Variants in DNHD1 observed in about 807,000 individuals in gnomAD.
DNHD1 encodes the protein dynein heavy chain domain 1.
DNHD1 carries 383 observed loss-of-function variants against 458.1 expected under a neutral mutation model. The observed-to-expected ratio is 0.84, with a 90% CI of 0.77 to 0.91. DNHD1 has a LOEUF of 0.91. DNHD1 is among the 40% of genes least tolerant of loss of function. DNHD1 has a pLI of 0.00. For missense variants in DNHD1, 5,336 were observed against 5,866.1 expected, an observed-to-expected ratio of 0.91 and a Z score of 2.95; for synonymous variants, 2,203 against 2,376.9, an observed-to-expected ratio of 0.93 and a Z score of 2.13.
rs998351545 is a variant in DNHD1 at position 6,558,329 on chromosome 11, T to C, written c.9002+32T>C. 3.2e-6 allele frequency: 5 copies of C among 1,543,612 alleles called. No individual in the cohort carries two copies. The African/African-American group carries it at 6.9e-5, about 21-fold the overall frequency. On this transcript the variant is annotated intron_variant, in intron 25 of 42. Transcript: ENST00000254579. The stretch of plus-strand genomic sequence containing the variant: ...CCAAGAACCCCATATGCGAATCTGC[T>C]CTGCTCTTACGCTGTCTTGGCCAAA...
chr11:6,505,545 G>A lies in DNHD1; in HGVS notation c.920+2619G>A, dbSNP rs541404290. Among the ~76,000 whole-genome samples, 4 of 152,280 alleles carry A rather than the reference G, an allele frequency of 2.6e-5. No individual in the cohort carries two copies. In the East Asian group the frequency reaches 5.8e-4, roughly 22 times the overall value. ...TGGGATTACAGGCGTGAGTCACCGC[G>A]CCTGGCCTCGACATCTTTTTAAAAA... On this transcript the variant is annotated intron_variant, in intron 4 of 42. Coordinates refer to ENST00000254579, the MANE Select transcript of DNHD1 (RefSeq NM_144666.3). The surrounding 1 kb of genome is among the most constrained non-coding windows in gnomAD (Gnocchi z 4.4).
At position 6,546,663 on chromosome 11, in the gene DNHD1, G is replaced by A. The variant is rs1316142423; in HGVS notation, c.5724G>A (p.Glu1908=). Residue 1908 remains glutamate, a synonymous_variant, in exon 21 of 43, where the codon GAG becomes GAA. Coordinates refer to ENST00000254579, the MANE Select transcript of DNHD1 (RefSeq NM_144666.3). Reference sequence around the variant, plus strand: ...CTCGCAGCCTAGCTGCCATTGAGGAGGCTGCCCTACTGCGCTCACCACTGT... The same window carrying A: ...CTCGCAGCCTAGCTGCCATTGAGGAAGCTGCCCTACTGCGCTCACCACTGT... ...QKPRSLAAIE[E]AALLRSPLFS... The A allele has an allele frequency of 6.4e-7, 1 of 1,551,422 alleles. No individual in the cohort carries two copies. The highest frequency in any genetic ancestry group is 8.7e-7 in the Non-Finnish European group (1 of 1,146,806).
Position 6,546,624 on chromosome 11 carries a change from GA to G in DNHD1, c.5687del (p.Lys1896SerfsTer8), listed in dbSNP as rs747325027. On this transcript the variant is annotated frameshift_variant, in exon 21 of 43. Coordinates refer to ENST00000254579, the MANE Select transcript of DNHD1 (RefSeq NM_144666.3). LOFTEE classifies it high-confidence loss of function. ...CACTAAATGTGACCAAGGAGGAACC[GA>G]AGTGCCAGAAGCCTCGCAGCCTAGC... is the stretch of plus-strand genomic sequence containing the variant. ...RTLNVTKEEP[K>X]CQKPRSLAAI... The G allele has an allele frequency of 6.4e-7, 1 of 1,551,500 alleles. No individual in the cohort carries two copies.
intron 3 of DNHD1, among the ~76,000 whole-genome samples, chr11:6,499,757 G>T (rs770735077): frequency 1.3e-5 from 2 of 151,610 alleles, no homozygotes; most frequent in African/African-American, 4.9e-5. Context: ...TAGTAGAGAC[G>T]GAGTTTCACT....
At position 6,558,014 on chromosome 11, in the gene DNHD1, A is replaced by T; in HGVS notation, c.8719A>T (p.Ile2907Phe). The change falls in exon 25 of 43, where the codon ATT becomes TTT. Residue 2907 changes from isoleucine to phenylalanine, a missense_variant. Coordinates refer to ENST00000254579, the MANE Select transcript of DNHD1 (RefSeq NM_144666.3). ...CACTGCCATCACTCTGGCTTCTAGC[A>T]TTTGTCAGGCCCATTTCTTTCATCT... is the stretch of plus-strand genomic sequence containing the variant. ...RHTAITLASS[I>F]CQAHFFHLPS... is the part of the protein sequence containing the mutation. 6.4e-7 allele frequency: 1 copy of T among 1,551,556 alleles called. No homozygotes were observed. Among genetic ancestry groups the T allele is most frequent in the Non-Finnish European group, 8.7e-7 (1 of 1,146,954 alleles).
intron 24 of DNHD1, 194 bp downstream of exon 24, chr11:6,549,127 A>G: frequency 1.6e-6 from 1 of 642,258 alleles, no homozygotes; most frequent in Non-Finnish European, 2.6e-6. Flanking sequence ...CTGCTTTGCT[A>G]AATCTCTGTG....
chr11:6,550,007 G>A (rs1219373617), intron 24 of DNHD1, among the ~76,000 whole-genome samples: 1 of 152,164 alleles, frequency 6.6e-6, no homozygotes, highest in East Asian at 1.9e-4. Context: ...CTGAAGCACT[G>A]GATAGGCTAT....
rs773118420 is a variant in DNHD1, at chr11:6,571,690, C to G, written c.13966C>G (p.Leu4656Val). The stretch of plus-strand genomic sequence containing the variant: ...AGAGAGAGGGCTGCTGCTGATCGGG[C>G]TACAGGTCCTACATGCGGAGTGGGA... ...VPERGLLLIGLQVLHAEWDPI... is the reference protein window; with the variant it reads ...VPERGLLLIGVQVLHAEWDPI... Residue 4656 changes from leucine (L) to valine (V), a missense_variant, in exon 43 of 43, where the codon CTA becomes GTA. Physicochemically the swap from Leu to Val is conservative, Grantham distance 32 (BLOSUM62 1). This residue lies in a region of DNHD1 where 698 missense variants were observed against 664.9 expected (regional missense o/e 1.05). Transcript: ENST00000254579. This position sits in a 1 kb window ranked among gnomAD's most constrained non-coding sequence, Gnocchi z 5.0. 31 of 1,611,082 alleles carry G rather than the reference C, an allele frequency of 1.9e-5. No individual in the cohort carries two copies. The highest frequency in any genetic ancestry group is 5.0e-5 in the Admixed American group (3 of 59,506).
At chr11:6,526,300 C>T (rs575178592) in intron 10 of DNHD1, among the ~76,000 whole-genome samples, 1 of 152,008 alleles carries the variant, frequency 6.6e-6, no homozygotes, top group South Asian at 2.1e-4. Context: ...CACATAATTT[C>T]TGAGTTTTTC....
At chr11:6,517,340 A>G (rs1224157444) in intron 7 of DNHD1, among the ~76,000 whole-genome samples, 1 of 152,224 alleles carries the variant, frequency 6.6e-6, no homozygotes, top group African/African-American at 2.4e-5. Flanking sequence ...TAGAACTGTC[A>G]TATGATCCAG....
chr11:6,536,453 C>T (rs1198388030), intron 14 of DNHD1, among the ~76,000 whole-genome samples: 1 of 151,990 alleles, frequency 6.6e-6, no homozygotes, highest in Non-Finnish European at 1.5e-5. Flanking sequence ...ATGTAACTTG[C>T]CCTTAAATAG....
At chr11:6,513,156 A>C (rs1222008897) in intron 7 of DNHD1, among the ~76,000 whole-genome samples, 2 of 152,172 alleles carry the variant, frequency 1.3e-5, no homozygotes. Flanking sequence ...CAGTTCCTCA[A>C]TCCCACCTTT....
At chr11:6,560,686 C>G (rs540414782) in intron 28 of DNHD1, among the ~76,000 whole-genome samples, 1 of 152,252 alleles carries the variant, frequency 6.6e-6, no homozygotes, top group East Asian at 1.9e-4. Context: ...AGTCAGATCC[C>G]TTGGTCGTTC....
rs1199319230 is a variant in DNHD1 at position 6,533,131 on chromosome 11, A to G, written c.2452A>G (p.Ile818Val). 3 of 1,551,532 alleles carry G rather than the reference A, an allele frequency of 1.9e-6. No homozygotes were observed. Among genetic ancestry groups the G allele is most frequent in the African/African-American group, 1.4e-5 (1 of 73,012 alleles). The part of the protein sequence containing the change: ...LMTELTDFMH[I>V]FRTINSDIHA... ...GACAGAGCTCACAGATTTCATGCAT[A>G]TCTTCCGAACCATCAACTCAGATAT... Residue 818 changes from isoleucine to valine, a missense_variant, in exon 13 of 43, where the codon ATC becomes GTC. By Grantham distance (29) the Ile-to-Val change is conservative. Around this residue, in one of 4 missense-constraint regions of DNHD1, gnomAD observed 3,932 missense variants for 4,365.6 expected, o/e 0.90. Coordinates refer to ENST00000254579, the MANE Select transcript of DNHD1 (RefSeq NM_144666.3).
At position 6,565,683 on chromosome 11, in the gene DNHD1, T is replaced by C. The variant is rs1484000067; in HGVS notation, c.10757-12T>C. 3 of 1,537,654 alleles carry C rather than the reference T, an allele frequency of 2.0e-6. No individual in the cohort carries two copies. The highest frequency in any genetic ancestry group is 2.1e-5 in the Admixed American group (1 of 48,678). ...CCCCTAAGAAGAGCTCCTCTGAATC[T>C]TTCTGCCCCAGGGAAAGGCCTCATG... On this transcript the variant is annotated splice_polypyrimidine_tract_variant and intron_variant, in intron 32 of 42. Coordinates refer to ENST00000254579, the MANE Select transcript of DNHD1 (RefSeq NM_144666.3).
At chr11:6,517,370 A>G (rs918393476) in intron 7 of DNHD1, among the ~76,000 whole-genome samples, 1 of 152,204 alleles carries the variant, frequency 6.6e-6, no homozygotes, top group African/African-American at 2.4e-5. Flanking sequence ...TTCTGTGTAT[A>G]TACCCAAAGG....
At position 6,565,839 on chromosome 11, in the gene DNHD1, A is replaced by C. The variant is rs1386665592; in HGVS notation, c.10901A>C (p.Gln3634Pro). ...EERKNEQEKEQEENEEKEEEK... is the reference protein window; with the variant it reads ...EERKNEQEKEPEENEEKEEEK... ...AGAAAAAATGAGCAGGAGAAAGAGC[A>C]AGAGGAAAATGAAGAGAAAGAGGAG... Residue 3634 changes from glutamine to proline, a missense_variant, in exon 33 of 43, where the codon CAA (glutamine) becomes CCA (proline). Physicochemically the swap from Gln to Pro is moderately conservative, Grantham distance 76. Around this residue, in one of 4 missense-constraint regions of DNHD1, gnomAD observed 695 missense variants for 804.2 expected, o/e 0.86. Coordinates refer to ENST00000254579, the MANE Select transcript of DNHD1 (RefSeq NM_144666.3). The C allele has an allele frequency of 6.4e-7, 1 of 1,551,738 alleles. No homozygotes were observed. Among genetic ancestry groups the C allele is most frequent in the East Asian group, 2.4e-5 (1 of 40,924 alleles).
At chr11:6,508,821 T>C (rs1017154198) in intron 4 of DNHD1, 59 bp from the exon 5 acceptor site, 351 of 1,545,594 alleles carry the variant, frequency 2.3e-4, no homozygotes, top group Non-Finnish European at 3.0e-4. Flanking sequence ...CCTCCTTTGG[T>C]CTCTTAAAGT....
chr11:6,500,838 C>T (rs1472312457), intron 3 of DNHD1, among the ~76,000 whole-genome samples: 1 of 152,106 alleles, frequency 6.6e-6, no homozygotes, highest in Non-Finnish European at 1.5e-5. Flanking sequence ...TGAGGTATTA[C>T]AGTTTAGTTA....
Sources: allele counts gnomAD v4.1 joint callset (sites outside exome capture counted in the v4.1 genomes callset), GRCh38; gene constraint gnomAD v4.1.1; regional missense constraint gnomAD v4.1.1; non-coding constraint Gnocchi (gnomAD v3.1); transcripts MANE v1.5; gene names NCBI Gene and HGNC (gene_info 2026-07-23, HGNC 2026-07-21).